CSMD1: variants seen among roughly 807,000 people sequenced by gnomAD.
CSMD1 encodes the protein CUB and Sushi multiple domains 1.
In CSMD1, 213 loss-of-function variants were observed where a neutral mutation model predicts 417.5. The observed-to-expected ratio is 0.51, with a 90% CI of 0.46 to 0.57. The LOEUF (loss-of-function observed/expected upper bound fraction) is 0.57. Among genes scored for constraint, CSMD1 ranks in the 20% least tolerant of loss-of-function variants. The pLI, the probability that CSMD1 is intolerant of heterozygous loss-of-function variation, is 0.00. For synonymous variants in CSMD1, 2,862 were observed against 1,736.8 expected, an observed-to-expected ratio of 1.65 and a Z score of -16.11; for missense variants, 6,923 against 4,529.7, an observed-to-expected ratio of 1.53 and a Z score of -15.17.
intron 10 of CSMD1, among the ~76,000 whole-genome samples, chr8:3,510,647 C>T (rs1043216651): frequency 7.9e-5 from 12 of 151,606 alleles, no homozygotes; most frequent in African/African-American, 2.7e-4. Flanking sequence ...AAAAAAATCA[C>T]ATTTCAGATT....
At chr8:4,495,179 T>C (rs1801917472) in intron 2 of CSMD1, among the ~76,000 whole-genome samples, 1 of 152,122 alleles carries the variant, frequency 6.6e-6, no homozygotes, top group South Asian at 2.1e-4. Flanking sequence ...TACTTAGCAT[T>C]ACCCAGAATT....
chr8:3,767,327 G>C (rs1798328477), intron 5 of CSMD1, among the ~76,000 whole-genome samples: 1 of 152,236 alleles, frequency 6.6e-6, no homozygotes, highest in Non-Finnish European at 1.5e-5. Context: ...GGACAGTGGA[G>C]TCATACTGAC....
chr8:3,917,175 T>C (rs1250531003), intron 5 of CSMD1, among the ~76,000 whole-genome samples: 1 of 152,158 alleles, frequency 6.6e-6, no homozygotes, highest in African/African-American at 2.4e-5. Context: ...CGATTACAAA[T>C]ATTTATGGAG....
intron 2 of CSMD1, among the ~76,000 whole-genome samples, chr8:4,565,769 T>TATATATATGTATAC (rs1310069698): frequency 4.9e-5 from 1 of 20,618 alleles, no homozygotes; most frequent in Non-Finnish European, 1.3e-4. Flanking sequence ...TATATATATA[T>TATATATATGTATAC]ATATATATAT....
intron 10 of CSMD1, among the ~76,000 whole-genome samples, chr8:3,498,542 T>G (rs1796461725): frequency 1.3e-5 from 2 of 152,320 alleles, no homozygotes; most frequent in African/African-American, 2.4e-5. Context: ...TGCACATATT[T>G]CTCCAAAAAT....
intron 1 of CSMD1, among the ~76,000 whole-genome samples, chr8:4,730,127 G>C (rs1487730046): frequency 6.6e-6 from 1 of 152,094 alleles, no homozygotes; most frequent in Admixed American, 6.6e-5. Context: ...GAAGCATTGA[G>C]AAGTACTTGG....
intron 23 of CSMD1, among the ~76,000 whole-genome samples, chr8:3,311,662 T>G (rs1414219208): frequency 1.3e-5 from 2 of 152,196 alleles, no homozygotes; most frequent in Non-Finnish European, 2.9e-5. Context: ...GTATACTTTC[T>G]ACTGAACGTG....
chr8:4,044,300 A>G (rs536544738), intron 3 of CSMD1, among the ~76,000 whole-genome samples: 7 of 152,358 alleles, frequency 4.6e-5, no homozygotes, highest in Non-Finnish European at 1.0e-4. Context: ...CAGAGAAATC[A>G]TCTCTGAAAA....
chr8:3,992,656 C>T (rs1047222836), intron 5 of CSMD1, among the ~76,000 whole-genome samples: 7 of 152,118 alleles, frequency 4.6e-5, no homozygotes, highest in Non-Finnish European at 1.0e-4. Flanking sequence ...GGTTCTGCAC[C>T]TGTAGTCCCA....
intron 12 of CSMD1, among the ~76,000 whole-genome samples, chr8:3,430,517 C>T (rs1412338424): frequency 1.3e-5 from 2 of 152,106 alleles, no homozygotes; most frequent in Non-Finnish European, 2.9e-5. Flanking sequence ...CATGTTAAAG[C>T]ATTTTTCTGC....
chr8:4,086,246 A>T (rs898929472), intron 3 of CSMD1, among the ~76,000 whole-genome samples: 3 of 152,192 alleles, frequency 2.0e-5, no homozygotes, highest in Non-Finnish European at 2.9e-5. Context: ...ATGAACAAAG[A>T]CAAATAAGGA....
At chr8:3,534,773 T>A (rs576076705) in intron 10 of CSMD1, among the ~76,000 whole-genome samples, 1 of 152,212 alleles carries the variant, frequency 6.6e-6, no homozygotes, top group East Asian at 1.9e-4. Flanking sequence ...AAAGCTAAGA[T>A]TACTTTATTT....
chr8:3,692,283 A>C (rs1303825523), intron 7 of CSMD1, among the ~76,000 whole-genome samples: 1 of 152,016 alleles, frequency 6.6e-6, no homozygotes, highest in Non-Finnish European at 1.5e-5. Flanking sequence ...CACCACCACA[A>C]TTTGTATACA....
chr8:3,928,189 G>A (rs913981389), intron 5 of CSMD1, among the ~76,000 whole-genome samples: 1 of 152,096 alleles, frequency 6.6e-6, no homozygotes. Context: ...AAGAACATGA[G>A]AATGATGTTA....
At chr8:2,957,625 G>C in intron 63 of CSMD1, 71 bp downstream of exon 63, 1 of 993,822 alleles carries the variant, frequency 1.0e-6, no homozygotes, top group Admixed American at 2.1e-5. Context: ...ATTTCCCTTA[G>C]TGGTAAACAC....
chr8:4,049,712 A>G (rs1563056105), intron 3 of CSMD1, among the ~76,000 whole-genome samples: 1 of 152,192 alleles, frequency 6.6e-6, no homozygotes, highest in African/African-American at 2.4e-5. Context: ...TCAAATTTAG[A>G]CTACTTTAAA....
At chr8:3,220,755 C>G (rs373156972) in intron 28 of CSMD1, among the ~76,000 whole-genome samples, 1 of 152,102 alleles carries the variant, frequency 6.6e-6, no homozygotes, top group African/African-American at 2.4e-5. Context: ...CGCTTGAACC[C>G]GGGAAGCGGA....
At chr8:3,750,000 C>G (rs1797253492) in intron 6 of CSMD1, among the ~76,000 whole-genome samples, 1 of 152,084 alleles carries the variant, frequency 6.6e-6, no homozygotes, top group African/African-American at 2.4e-5. Flanking sequence ...CATATCAATT[C>G]AGATTTCTAC....
rs751570921 is a variant in CSMD1 at position 3,443,557 on chromosome 8, G to C, written c.1561+25155C>G. On this transcript the variant is annotated intron_variant, in intron 12 of 69. Transcript: ENST00000635120. Reference sequence around the variant, plus strand: ...CAATTCTACAAATTAGTATTTACAGGGGGAAAGTGAAACAGTTTAGAAGAG... The same window carrying C: ...CAATTCTACAAATTAGTATTTACAGCGGGAAAGTGAAACAGTTTAGAAGAG... 2.0e-5 allele frequency among the ~76,000 whole-genome samples: 3 copies of C among 152,264 alleles called. No homozygotes were observed. In the Middle Eastern group the frequency reaches 0.01, roughly 518 times the overall value.
Sources: allele counts gnomAD v4.1 joint callset (sites outside exome capture counted in the v4.1 genomes callset), GRCh38; gene constraint gnomAD v4.1.1; transcripts MANE v1.5; gene names NCBI Gene and HGNC (gene_info 2026-07-23, HGNC 2026-07-21).